The following ERICH6B variants were observed in gnomAD, a reference collection of about 807,000 sequenced individuals.
ERICH6B encodes the protein glutamate rich 6B, also known as glutamate-rich protein 6B.
ERICH6B carries 69 observed loss-of-function variants against 80.0 expected under a neutral mutation model. That is an observed-to-expected ratio of 0.86 (90% confidence interval 0.71 to 1.05). The LOEUF (loss-of-function observed/expected upper bound fraction) is 1.05. Among genes scored for constraint, ERICH6B ranks in the 50% least tolerant of loss-of-function variants. The pLI is 0.00. For missense variants in ERICH6B, 754 were observed against 796.1 expected, an observed-to-expected ratio of 0.95 and a Z score of 0.64; for synonymous variants, 283 against 291.9, an observed-to-expected ratio of 0.97 and a Z score of 0.31.
chr13:45,588,821 C>T (rs1276075009), intron 4 of ERICH6B, among the ~76,000 whole-genome samples: 1 of 152,206 alleles, frequency 6.6e-6, no homozygotes, highest in African/African-American at 2.4e-5. Context: ...TTCTAGCCAC[C>T]TGGGCTGAAC....
intron 2 of ERICH6B, among the ~76,000 whole-genome samples, chr13:45,598,307 A>G (rs1254758138): frequency 6.6e-6 from 1 of 152,210 alleles, no homozygotes; most frequent in East Asian, 1.9e-4. Context: ...CTGGTGCATA[A>G]TAGATGTTCA....
chr13:45,584,381 T>C (rs1318532417), intron 5 of ERICH6B, among the ~76,000 whole-genome samples: 1 of 152,184 alleles, frequency 6.6e-6, no homozygotes, highest in African/African-American at 2.4e-5. Context: ...TACCTGGGTA[T>C]TTTTTCCTCC....
intron 2 of ERICH6B, among the ~76,000 whole-genome samples, chr13:45,599,761 T>C (rs1044946223): frequency 2.6e-5 from 4 of 152,198 alleles, no homozygotes; most frequent in Admixed American, 1.3e-4. Context: ...TGGGACCTAG[T>C]GCAGGAGCCA....
chr13:45,573,845 C>T (rs771998902), intron 8 of ERICH6B, among the ~76,000 whole-genome samples: 1 of 152,220 alleles, frequency 6.6e-6, no homozygotes, highest in Non-Finnish European at 1.5e-5. Context: ...ACAATTCCTT[C>T]AGGTTTCAAC....
chr13:45,591,287 C>T (rs988291125), intron 3 of ERICH6B, among the ~76,000 whole-genome samples: 12 of 152,314 alleles, frequency 7.9e-5, no homozygotes, highest in African/African-American at 2.9e-4. Context: ...TATTGAGGAA[C>T]ATCCCTTGGC....
chr13:45,592,068 A>AT (rs1359203533), intron 3 of ERICH6B, among the ~76,000 whole-genome samples: 1 of 152,052 alleles, frequency 6.6e-6, no homozygotes, highest in East Asian at 1.9e-4. Flanking sequence ...CCTTCTAATG[A>AT]TTTTCTGTGA....
intron 7 of ERICH6B, among the ~76,000 whole-genome samples, chr13:45,579,648 C>T (rs1460498628): frequency 6.6e-6 from 1 of 152,166 alleles, no homozygotes; most frequent in Non-Finnish European, 1.5e-5. Flanking sequence ...CTCAGGGAAT[C>T]CAGCAACTCT....
At chr13:45,568,027 T>A (rs1024898747) in intron 9 of ERICH6B, among the ~76,000 whole-genome samples, 2 of 152,224 alleles carry the variant, frequency 1.3e-5, no homozygotes, top group Non-Finnish European at 2.9e-5. Flanking sequence ...TTACCCTGAA[T>A]TTCCAGCCTC....
Position 45,546,076 on chromosome 13 carries a change from G to A in ERICH6B, c.1647-1091C>T, listed in dbSNP as rs550871909. ...GTGAGGGCAGGGACCTTGTCTGTCT[G>A]CTGCGCTGCTGAATTCCTGTTGCCC... On this transcript the variant is annotated intron_variant, in intron 13 of 14. Transcript: ENST00000298738. 3.4e-4 allele frequency among the ~76,000 whole-genome samples: 52 copies of A among 152,264 alleles called. 2 individuals carry two copies. The highest frequency in any genetic ancestry group is 6.8e-3 in the Middle Eastern group (2 of 294).
rs148460913 is a variant in ERICH6B, at chr13:45,567,733, G to T, written c.1187+582C>A. ...ATACAGTGTACAAATGGCTGGAACAGTTTGTGACCTGGGGCCTTGCCAGCT... is the reference window on the plus strand; with the variant it reads ...ATACAGTGTACAAATGGCTGGAACATTTTGTGACCTGGGGCCTTGCCAGCT... On this transcript the variant is annotated intron_variant, in intron 9 of 14. Coordinates refer to ENST00000298738, the MANE Select transcript of ERICH6B (RefSeq NM_182542.3). 7.3e-3 allele frequency among the ~76,000 whole-genome samples: 1,118 copies of T among 152,350 alleles called. 12 individuals are homozygous for T. Among genetic ancestry groups the T allele is most frequent in the African/African-American group, 0.025 (1,041 of 41,572 alleles).
In ERICH6B at chr13:45,550,334, G is replaced by A; in HGVS notation, c.1408-18C>T. On this transcript the variant is annotated intron_variant, in intron 11 of 14. Coordinates refer to ENST00000298738, the MANE Select transcript of ERICH6B (RefSeq NM_182542.3). The stretch of plus-strand genomic sequence containing the variant: ...TGATGCACCTGGGAAGAAAAGACAA[G>A]CCTATGAAAAGTGTGAAAAGTACAT... 1 of 1,546,060 alleles carries A rather than the reference G, an allele frequency of 6.5e-7. No homozygotes were observed.
rs534956216 is a variant in ERICH6B at position 45,545,538 on chromosome 13, G to A, written c.1647-553C>T. Among the ~76,000 whole-genome samples the A allele has an allele frequency of 1.9e-4, 29 of 152,290 alleles. No individual in the cohort carries two copies. The East Asian group carries it at 4.1e-3, about 21-fold the overall frequency. ...ATGCACACAGACACATCTCACATAGGTTATCATCTTAAATCCTAAAAGCAG... is the reference window on the plus strand; with the variant it reads ...ATGCACACAGACACATCTCACATAGATTATCATCTTAAATCCTAAAAGCAG... On this transcript the variant is annotated intron_variant, in intron 13 of 14. Transcript: ENST00000298738.
Position 45,596,911 on chromosome 13 carries a change from T to C in ERICH6B, c.95A>G (p.Glu32Gly). 1 of 1,551,852 alleles carries C rather than the reference T, an allele frequency of 6.4e-7. No individual in the cohort carries two copies. Among genetic ancestry groups the C allele is most frequent in the Non-Finnish European group, 8.7e-7 (1 of 1,147,024 alleles). The change falls in exon 3 of 15, where the codon GAG (glutamate) becomes GGG (glycine). Residue 32 changes from glutamate (E) to glycine (G), a missense_variant. Coordinates refer to ENST00000298738, the MANE Select transcript of ERICH6B (RefSeq NM_182542.3). ...YSTQNLPSEK[E>G]DTEVELDEES... is the part of the protein sequence containing the mutation. ...CTCATCTAGTTCTACTTCAGTATCC[T>C]CTTTCTCTGAAGGCAAGTTCTGTGT...
At chr13:45,554,133 C>T (rs955447314) in intron 11 of ERICH6B, among the ~76,000 whole-genome samples, 2 of 152,174 alleles carry the variant, frequency 1.3e-5, no homozygotes, top group East Asian at 1.9e-4. Context: ...AACACCTCCC[C>T]GTTTCCCTAC....
chr13:45,541,578 T>A lies in ERICH6B; in HGVS notation c.1975A>T (p.Asn659Tyr). 6.4e-7 allele frequency: 1 copy of A among 1,551,904 alleles called. No individual in the cohort carries two copies. Among genetic ancestry groups the A allele is most frequent in the South Asian group, 1.2e-5 (1 of 84,056 alleles). ...GTGGTCGCGTAATTCAGGAGCCTAT[T>A]CATTTTCCCCAGAAGGACCCGGATC... Reference protein sequence around the residue: ...QKIRVLLGKMNRLLNYATTPD... With the variant: ...QKIRVLLGKMYRLLNYATTPD... The change falls in exon 15 of 15, where the codon AAT becomes TAT. Residue 659 changes from asparagine to tyrosine, a missense_variant. Asn to Tyr is a moderately radical substitution (Grantham distance 143). Transcript: ENST00000298738.
At chr13:45,547,255 G>A (rs746812146) in intron 13 of ERICH6B, among the ~76,000 whole-genome samples, 7 of 152,220 alleles carry the variant, frequency 4.6e-5, no homozygotes, top group Admixed American at 3.3e-4. Context: ...ATTGATGGGA[G>A]GAGAGCAAAG....
At chr13:45,605,348 G>A (rs1479363224) in intron 2 of ERICH6B, among the ~76,000 whole-genome samples, 1 of 152,220 alleles carries the variant, frequency 6.6e-6, no homozygotes, top group Non-Finnish European at 1.5e-5. Flanking sequence ...TTAGGAAAAG[G>A]TTCTTCTGTT....
At chr13:45,591,961 A>G (rs1382406044) in intron 3 of ERICH6B, among the ~76,000 whole-genome samples, 1 of 152,236 alleles carries the variant, frequency 6.6e-6, no homozygotes, top group Admixed American at 6.5e-5. Context: ...TGCACAACTT[A>G]TTAAAAAGCA....
chr13:45,614,831 C>T (rs1949918601), intron 1 of ERICH6B, among the ~76,000 whole-genome samples: 1 of 152,242 alleles, frequency 6.6e-6, no homozygotes, highest in African/African-American at 2.4e-5. Flanking sequence ...GCTGCTCTCC[C>T]CCATGAGGGG....
Sources: allele counts gnomAD v4.1 joint callset (sites outside exome capture counted in the v4.1 genomes callset), GRCh38; gene constraint gnomAD v4.1.1; transcripts MANE v1.5; gene names NCBI Gene and HGNC (gene_info 2026-07-23, HGNC 2026-07-21).